The following ARHGAP39 variants were observed in gnomAD, a reference collection of about 807,000 sequenced individuals.
ARHGAP39 encodes the protein Rho GTPase activating protein 39.
Under a neutral mutation model 106.9 loss-of-function variants are expected in ARHGAP39, and 44 were observed. That is an observed-to-expected ratio of 0.41 (90% CI 0.32 to 0.53). ARHGAP39 has a LOEUF of 0.53. ARHGAP39 is among the 20% of genes least tolerant of loss of function. The pLI, the probability that ARHGAP39 is intolerant of heterozygous loss-of-function variation, is 0.21. For synonymous variants in ARHGAP39, 768 were observed against 693.2 expected, an observed-to-expected ratio of 1.11 and a Z score of -1.69; for missense variants, 1,496 against 1,577.3, an observed-to-expected ratio of 0.95 and a Z score of 0.87.
chr8:144,640,477 G>A (rs1275515063), intron 1 of ARHGAP39, among the ~76,000 whole-genome samples: 13 of 152,188 alleles, frequency 8.5e-5, no homozygotes, highest in Admixed American at 7.9e-4. Flanking sequence ...CAGGTAAGAC[G>A]TGACTTGCTC....
At chr8:144,582,239 G>A (rs1044712579) in intron 2 of ARHGAP39, among the ~76,000 whole-genome samples, 3 of 152,190 alleles carry the variant, frequency 2.0e-5, no homozygotes, top group African/African-American at 4.8e-5. Flanking sequence ...GACAGAAAGA[G>A]CCCCCCTGGC....
intron 1 of ARHGAP39, among the ~76,000 whole-genome samples, chr8:144,662,219 C>A (rs183694582): frequency 1.9e-4 from 28 of 148,456 alleles, no homozygotes; most frequent in Admixed American, 1.6e-3. Context: ...TTGGACCGCT[C>A]CCCCGTCAGC....
At chr8:144,609,396 CCTTT>C (rs1230336986) in intron 1 of ARHGAP39, among the ~76,000 whole-genome samples, 1 of 143,240 alleles carries the variant, frequency 7.0e-6, no homozygotes. Context: ...GATGTATTGT[CCTTT>C]TTTTTTTTTT....
intron 1 of ARHGAP39, among the ~76,000 whole-genome samples, chr8:144,627,121 G>A (rs1275457518): frequency 6.6e-6 from 1 of 152,240 alleles, no homozygotes; most frequent in African/African-American, 2.4e-5. Flanking sequence ...GCCAGGCCAA[G>A]GCTGCAGCTG....
intron 7 of ARHGAP39, among the ~76,000 whole-genome samples, chr8:144,535,989 G>C (rs1368865528): frequency 6.6e-6 from 1 of 152,228 alleles, no homozygotes; most frequent in Non-Finnish European, 1.5e-5. Flanking sequence ...TGTGCCCTAA[G>C]GTCTAGGAAG....
rs1336377975 is a variant in ARHGAP39 at position 144,604,210 on chromosome 8, CT to C, written c.80+1324del. 6.6e-5 allele frequency among the ~76,000 whole-genome samples: 10 copies of C among 152,156 alleles called. No individual in the cohort carries two copies. Among genetic ancestry groups the C allele is most frequent in the Admixed American group, 6.5e-4 (10 of 15,276 alleles). On this transcript the variant is annotated intron_variant, in intron 2 of 11. Coordinates refer to ENST00000377307, the MANE Select transcript of ARHGAP39 (RefSeq NM_025251.3). This position sits in a 1 kb window ranked among gnomAD's most constrained non-coding sequence, Gnocchi z 4.1. ...GGTGGCCGGGAGGCAGCAGCTGCACCTCGGGGGGTGCGGGCGAGGCCTCTGT... is the reference window on the plus strand; with the variant it reads ...GGTGGCCGGGAGGCAGCAGCTGCACCCGGGGGGTGCGGGCGAGGCCTCTGT...
chr8:144,662,470 AC>A (rs1397434372), intron 1 of ARHGAP39, among the ~76,000 whole-genome samples: 1 of 77,168 alleles, frequency 1.3e-5, no homozygotes, highest in African/African-American at 5.3e-5. Context: ...ACCTTGGGTC[AC>A]TCCTCCCCTC....
At chr8:144,552,651 G>C (rs969921010) in intron 4 of ARHGAP39, among the ~76,000 whole-genome samples, 3 of 152,258 alleles carry the variant, frequency 2.0e-5, no homozygotes, top group African/African-American at 7.2e-5. Context: ...TTGATACCCT[G>C]AGTGCTGGTA....
rs1007432161 is a variant in ARHGAP39 at position 144,646,584 on chromosome 8, C to T, written c.-82+39102G>A. Among the ~76,000 whole-genome samples the T allele has an allele frequency of 2.6e-5, 4 of 152,162 alleles. No homozygotes were observed. Among genetic ancestry groups the T allele is most frequent in the African/African-American group, 9.7e-5 (4 of 41,446 alleles). The stretch of plus-strand genomic sequence containing the variant: ...CACAGGCTGGCGGGCATGGAAGCCT[C>T]GTCCTTTCTGCACCACCGCACAATG... On this transcript the variant is annotated intron_variant, in intron 1 of 11. Coordinates refer to ENST00000377307, the MANE Select transcript of ARHGAP39 (RefSeq NM_025251.3). This position sits in a 1 kb window ranked among gnomAD's most constrained non-coding sequence, Gnocchi z 5.7.
intron 1 of ARHGAP39, among the ~76,000 whole-genome samples, chr8:144,657,175 T>C (rs1429717216): frequency 6.6e-6 from 1 of 151,704 alleles, no homozygotes; most frequent in East Asian, 1.9e-4. Context: ...GGGTAGATTG[T>C]TTGAACCCAA....
intron 3 of ARHGAP39, among the ~76,000 whole-genome samples, chr8:144,579,809 C>T (rs1418976985): frequency 1.3e-5 from 2 of 152,180 alleles, no homozygotes; most frequent in Non-Finnish European, 2.9e-5. Flanking sequence ...CAACCTCAGC[C>T]AAGCACCGAA....
At chr8:144,559,629 A>G (rs902801758) in intron 3 of ARHGAP39, among the ~76,000 whole-genome samples, 1 of 152,204 alleles carries the variant, frequency 6.6e-6, no homozygotes, top group African/African-American at 2.4e-5. Context: ...AAAAACCTCA[A>G]GGATATATGC....
At chr8:144,574,445 C>T (rs1818697900) in intron 3 of ARHGAP39, among the ~76,000 whole-genome samples, 1 of 152,138 alleles carries the variant, frequency 6.6e-6, no homozygotes, top group East Asian at 1.9e-4. Context: ...CCGAGGCGGG[C>T]AGATCACCAG....
chr8:144,581,663 G>A (rs1484991134), intron 2 of ARHGAP39, among the ~76,000 whole-genome samples: 5 of 152,194 alleles, frequency 3.3e-5, no homozygotes, highest in Admixed American at 2.0e-4. Context: ...TAGCCCCTCC[G>A]CTGCAACTGG....
intron 1 of ARHGAP39, among the ~76,000 whole-genome samples, chr8:144,639,519 C>T (rs191130341): frequency 6.6e-6 from 1 of 152,156 alleles, no homozygotes; most frequent in African/African-American, 2.4e-5. Flanking sequence ...CTTGGTAGAG[C>T]ATCTTTTTAT....
chr8:144,545,114 T>G, intron 6 of ARHGAP39, 135 bp downstream of exon 6: 20 of 775,446 alleles, frequency 2.6e-5, no homozygotes, highest in South Asian at 4.6e-5. Context: ...GTGTGGGGCG[T>G]TTTGGGAGGT....
At chr8:144,665,993 A>G (rs1821953989) in intron 1 of ARHGAP39, among the ~76,000 whole-genome samples, 2 of 152,192 alleles carry the variant, frequency 1.3e-5, no homozygotes, top group Admixed American at 6.5e-5. Context: ...AGCAGCCAGG[A>G]GGGAGGCTAT....
At position 144,591,110 on chromosome 8, in the gene ARHGAP39, C is replaced by G. The variant is rs1285800689; in HGVS notation, c.81-9833G>C. Reference sequence around the variant, plus strand: ...TCTGTCACCTTTGCTTCCATGACCTCCTGGAGCCGGGTGGCTGCGCAGGCC... The same window carrying G: ...TCTGTCACCTTTGCTTCCATGACCTGCTGGAGCCGGGTGGCTGCGCAGGCC... On this transcript the variant is annotated intron_variant, in intron 2 of 11. Coordinates refer to ENST00000377307, the MANE Select transcript of ARHGAP39 (RefSeq NM_025251.3). The surrounding 1 kb of genome is among the most constrained non-coding windows in gnomAD (Gnocchi z 5.3). 2.0e-5 allele frequency among the ~76,000 whole-genome samples: 3 copies of G among 152,184 alleles called. No homozygotes were observed. The highest frequency in any genetic ancestry group is 6.5e-5 in the Admixed American group (1 of 15,286).
rs768231401 is a variant in ARHGAP39, at chr8:144,580,853, T to G, written c.505A>C (p.Ser169Arg). 2.0e-6 allele frequency: 3 copies of G among 1,489,528 alleles called. No homozygotes were observed. The African/African-American group carries it at 4.3e-5, about 21-fold the overall frequency. 92.3% of individuals were successfully genotyped at this position (1,489,528 alleles called of 1,614,324 possible). The change falls in exon 3 of 12, where the codon AGC (serine) becomes CGC (arginine). Residue 169 changes from serine (S) to arginine (R), a missense_variant. Transcript: ENST00000377307. Reference protein sequence around the residue: ...PAAFGTVKEDSGSSSPPGVFL... With the variant: ...PAAFGTVKEDRGSSSPPGVFL... ...AGCTGCCCCCGCCCTCACCTGCCGCTGTCCTCCTTCACTGTCCCAAACGCC... is the reference window on the plus strand; with the variant it reads ...AGCTGCCCCCGCCCTCACCTGCCGCGGTCCTCCTTCACTGTCCCAAACGCC...
Sources: allele counts gnomAD v4.1 joint callset (sites outside exome capture counted in the v4.1 genomes callset), GRCh38; gene constraint gnomAD v4.1.1; non-coding constraint Gnocchi (gnomAD v3.1); transcripts MANE v1.5; gene names NCBI Gene and HGNC (gene_info 2026-07-23, HGNC 2026-07-21).